COL19A1: variants seen among roughly 807,000 people sequenced by gnomAD.
COL19A1 encodes collagen type XIX alpha 1 chain.
A neutral mutation model predicts 190.2 loss-of-function variants in COL19A1; 159 were observed. The ratio of observed to expected loss-of-function variants is 0.84; its 90% CI spans 0.73 to 0.95. The LOEUF (loss-of-function observed/expected upper bound fraction) is 0.95. COL19A1 is among the 40% of genes least tolerant of loss of function. COL19A1 has a pLI of 0.00. For missense variants in COL19A1, 1,418 were observed against 1,431.9 expected, an observed-to-expected ratio of 0.99 and a Z score of 0.16; for synonymous variants, 509 against 458.9, an observed-to-expected ratio of 1.11 and a Z score of -1.39.
intron 1 of COL19A1, among the ~76,000 whole-genome samples, chr6:69,867,847 T>A (rs1767571858): frequency 1.3e-5 from 2 of 151,980 alleles, no homozygotes; most frequent in Admixed American, 1.3e-4. Context: ...ATGCTGATAA[T>A]AAGTAGTTTT....
At chr6:69,867,246 G>T in intron 1 of COL19A1, among the ~76,000 whole-genome samples, 1 of 152,160 alleles carries the variant, frequency 6.6e-6, no homozygotes, top group Non-Finnish European at 1.5e-5. Flanking sequence ...GGCTTCTGGG[G>T]GGCGGCGCGG....
chr6:70,140,097 T>G (rs1786143324), intron 19 of COL19A1, among the ~76,000 whole-genome samples: 1 of 151,996 alleles, frequency 6.6e-6, no homozygotes, highest in African/African-American at 2.4e-5. Flanking sequence ...ACTATTAAGA[T>G]AGTTCATCAT....
chr6:70,051,206 A>T (rs2150132423), intron 14 of COL19A1, among the ~76,000 whole-genome samples: 2 of 152,204 alleles, frequency 1.3e-5, no homozygotes, highest in South Asian at 4.1e-4. Context: ...TTTTAAAAGG[A>T]TAGAGAATAA....
intron 16 of COL19A1, among the ~76,000 whole-genome samples, chr6:70,120,057 C>T (rs1017604287): frequency 6.6e-6 from 1 of 152,198 alleles, no homozygotes; most frequent in African/African-American, 2.4e-5. Context: ...TGCCACTGCA[C>T]TCCAGCCTGG....
At chr6:70,030,736 T>A (rs970946149) in intron 12 of COL19A1, among the ~76,000 whole-genome samples, 4 of 152,202 alleles carry the variant, frequency 2.6e-5, no homozygotes, top group Admixed American at 1.3e-4. Flanking sequence ...ATGGGATAAC[T>A]TCCTAGCCAG....
intron 12 of COL19A1, among the ~76,000 whole-genome samples, chr6:70,031,929 A>T (rs1325635673): frequency 6.6e-6 from 1 of 152,188 alleles, no homozygotes; most frequent in East Asian, 1.9e-4. Flanking sequence ...TAAAGAAAAA[A>T]ATCGTTGACA....
chr6:70,003,336 A>G (rs997429354), intron 11 of COL19A1, among the ~76,000 whole-genome samples: 3 of 152,118 alleles, frequency 2.0e-5, no homozygotes, highest in Non-Finnish European at 4.4e-5. Context: ...CTGAGAAGAA[A>G]GTATATTCTG....
rs570554405 is a variant in COL19A1 at position 69,895,382 on chromosome 6, T to C, written c.92-3566T>C. ...ACTCACCACTTCTTGAGCTCCCACA[T>C]TGAACACCAAAAATGTCGCAGGACT... On this transcript the variant is annotated intron_variant, in intron 2 of 50. Coordinates refer to ENST00000620364, the MANE Select transcript of COL19A1 (RefSeq NM_001858.6). Among the ~76,000 whole-genome samples, 26 of 152,346 alleles carry C rather than the reference T, an allele frequency of 1.7e-4. 1 individual carries two copies. The highest frequency in any genetic ancestry group is 1.0e-3 in the South Asian group (5 of 4,820).
chr6:70,200,850 G>A (rs540428290), intron 49 of COL19A1, among the ~76,000 whole-genome samples: 184 of 152,104 alleles, frequency 1.2e-3, no homozygotes, highest in Admixed American at 1.5e-3. Flanking sequence ...AAGTCTTTGC[G>A]TTTAATTAGC....
chr6:70,061,506 T>G (rs1322349083), intron 14 of COL19A1, among the ~76,000 whole-genome samples: 1 of 152,138 alleles, frequency 6.6e-6, no homozygotes, highest in African/African-American at 2.4e-5. Flanking sequence ...ATCTTAGTAC[T>G]TGAGTCTCGC....
chr6:70,178,331 G>A (rs925420425), intron 42 of COL19A1, among the ~76,000 whole-genome samples: 61 of 152,194 alleles, frequency 4.0e-4, no homozygotes, highest in African/African-American at 1.3e-3. Flanking sequence ...AGCTGAGATC[G>A]TGTCACTGCA....
intron 14 of COL19A1, among the ~76,000 whole-genome samples, chr6:70,043,638 C>T (rs1047105616): frequency 2.0e-5 from 3 of 152,282 alleles, no homozygotes; most frequent in African/African-American, 4.8e-5. Context: ...TTACCAGATG[C>T]GTTGTCAATG....
At position 70,210,148 on chromosome 6, in the gene COL19A1, G is replaced by A. The variant is rs989807390; in HGVS notation, c.*2874G>A. Among the ~76,000 whole-genome samples the A allele has an allele frequency of 6.6e-6, 1 of 152,076 alleles. No homozygotes were observed. Among genetic ancestry groups the A allele is most frequent in the African/African-American group, 2.4e-5 (1 of 41,414 alleles). On this transcript the variant is annotated 3_prime_UTR_variant, in exon 51 of 51. Coordinates refer to ENST00000620364, the MANE Select transcript of COL19A1 (RefSeq NM_001858.6). The stretch of plus-strand genomic sequence containing the variant: ...ACATGTTTAAATACAAAATAATTAT[G>A]GGCCATGACGACGATTAATATTAAA...
In COL19A1 at chr6:70,024,381, G is replaced by A. The variant is rs78652851; in HGVS notation, c.1080+701G>A. Among the ~76,000 whole-genome samples the A allele has an allele frequency of 3.4e-3, 524 of 152,084 alleles. 2 individuals carry two copies. Among genetic ancestry groups the A allele is most frequent in the African/African-American group, 0.012 (505 of 41,474 alleles). On this transcript the variant is annotated intron_variant, in intron 12 of 50. Coordinates refer to ENST00000620364, the MANE Select transcript of COL19A1 (RefSeq NM_001858.6). ...CAAAATGAGAATTAGTTTTTCCCTC[G>A]GCTTCCTTTTCTCACTTACATAAAT...
At chr6:69,955,911 T>C (rs763196799) in intron 9 of COL19A1, among the ~76,000 whole-genome samples, 2 of 152,020 alleles carry the variant, frequency 1.3e-5, no homozygotes, top group African/African-American at 2.4e-5. Flanking sequence ...AACCACACAG[T>C]GAATTTTTTT....
intron 2 of COL19A1, among the ~76,000 whole-genome samples, chr6:69,893,218 G>C (rs1025220809): frequency 6.6e-6 from 1 of 152,114 alleles, no homozygotes; most frequent in Non-Finnish European, 1.5e-5. Context: ...CATGAGTCCT[G>C]TACTATTTTC....
chr6:70,106,964 G>A (rs1784013749), intron 16 of COL19A1, among the ~76,000 whole-genome samples: 1 of 152,202 alleles, frequency 6.6e-6, no homozygotes, highest in African/African-American at 2.4e-5. Flanking sequence ...AAGCAGACCA[G>A]GAGAATGTAT....
intron 17 of COL19A1, among the ~76,000 whole-genome samples, chr6:70,127,416 A>C (rs1381362181): frequency 6.6e-6 from 1 of 152,188 alleles, no homozygotes; most frequent in Non-Finnish European, 1.5e-5. Context: ...CTGGCAAGAC[A>C]TGATGGTGGG....
chr6:70,080,223 T>C (rs1218643376), intron 15 of COL19A1, among the ~76,000 whole-genome samples: 1 of 152,210 alleles, frequency 6.6e-6, no homozygotes. Flanking sequence ...CACAAGATTG[T>C]TTTCAGGCCA....
Sources: allele counts gnomAD v4.1 joint callset (sites outside exome capture counted in the v4.1 genomes callset), GRCh38; gene constraint gnomAD v4.1.1; transcripts MANE v1.5; gene names NCBI Gene and HGNC (gene_info 2026-07-23, HGNC 2026-07-21).